Variants in MS4A6A observed in about 807,000 individuals in gnomAD.
MS4A6A encodes membrane-spanning 4-domains subfamily A member 6A.
Under a neutral mutation model 20.6 loss-of-function variants are expected in MS4A6A, and 19 were observed. The observed-to-expected ratio is 0.92, with a 90% CI of 0.64 to 1.36. The LOEUF is 1.36. Ranked by LOEUF, MS4A6A falls within the 40% of genes most tolerant of loss-of-function variation. The probability of loss-of-function intolerance (pLI) is 0.00; values close to 1 mark genes in which losing one functional copy is unlikely to be tolerated. For missense variants in MS4A6A, 272 were observed against 261.1 expected, an observed-to-expected ratio of 1.04 and a Z score of -0.29; for synonymous variants, 108 against 105.0, an observed-to-expected ratio of 1.03 and a Z score of -0.17.
chr11:60,181,714 G>T lies in MS4A6A; in HGVS notation c.14C>A (p.Pro5His). The T allele has an allele frequency of 6.2e-7, 1 of 1,614,108 alleles. No homozygotes were observed. The highest frequency in any genetic ancestry group is 1.1e-5 in the South Asian group (1 of 91,084). ...CACTATGATGGTCTCATTGGGAACAGGTTGTGATGTCATGATGGTGTTGCC... is the reference window on the plus strand; with the variant it reads ...CACTATGATGGTCTCATTGGGAACATGTTGTGATGTCATGATGGTGTTGCC... Reference protein sequence around the residue: MTSQPVPNETIIVLP... With the variant: MTSQHVPNETIIVLP... The change falls in exon 2 of 6, where the codon CCT becomes CAT. Residue 5 changes from proline to histidine, a missense_variant. Coordinates refer to ENST00000528851, the MANE Select transcript of MS4A6A (RefSeq NM_022349.4).
rs1325108421 is a variant in MS4A6A, at chr11:60,175,391, A to T, written c.549+11T>A. The T allele has an allele frequency of 1.2e-6, 2 of 1,604,046 alleles. No individual in the cohort carries two copies. The highest frequency in any genetic ancestry group is 4.5e-5 in the East Asian group (2 of 44,818). ...TCATAAGATTAGAACATCCCATCTA[A>T]AAATACTTACAGCCAGACTGGCTTT... On this transcript the variant is annotated intron_variant, in intron 5 of 5. Coordinates refer to ENST00000528851, the MANE Select transcript of MS4A6A (RefSeq NM_022349.4).
At position 60,179,972 on chromosome 11, in the gene MS4A6A, G is replaced by A. The variant is rs766097790; in HGVS notation, c.148-7C>T. 3.7e-6 allele frequency: 6 copies of A among 1,611,246 alleles called. No homozygotes were observed. Among genetic ancestry groups the A allele is most frequent in the Non-Finnish European group, 5.1e-6 (6 of 1,178,576 alleles). On this transcript the variant is annotated splice_polypyrimidine_tract_variant and splice_region_variant and intron_variant, in intron 2 of 5. Transcript: ENST00000528851. ...CACACAAGATCTGGATAGTCTGTGG[G>A]AAGAGAAAGTGAGATTGAGGATGAA...
At chr11:60,176,842 T>C (rs115129278) in intron 4 of MS4A6A, among the ~76,000 whole-genome samples, 2 of 152,060 alleles carry the variant, frequency 1.3e-5, no homozygotes, top group Non-Finnish European at 2.9e-5. Context: ...ATGTCTCTGG[T>C]AAGTCTGAGC....
downstream of MS4A6A, chr11:60,172,285 A>T (rs1856617733): frequency 6.2e-7 from 1 of 1,605,734 alleles, no homozygotes; most frequent in Non-Finnish European, 8.5e-7. Context: ...AGGTCTTCAG[A>T]CTTCAATCAG....
chr11:60,177,935 G>A (rs760123298), intron 4 of MS4A6A: 18 of 303,448 alleles, frequency 5.9e-5, no homozygotes, highest in Non-Finnish European at 9.2e-5. Context: ...CAGCTTCCTT[G>A]CCACTGAAAA....
rs773566640 is a variant in MS4A6A, at chr11:60,178,084, G to T, written c.339+176C>A. ...TTTGATGTAGGGTACAATAATTGGA[G>T]AAATGTTCTCTGAACAAGGATACAG... On this transcript the variant is annotated intron_variant, in intron 4 of 5. Coordinates refer to ENST00000528851, the MANE Select transcript of MS4A6A (RefSeq NM_022349.4). 3.1e-4 allele frequency: 195 copies of T among 621,996 alleles called. 1 individual carries two copies. The highest frequency in any genetic ancestry group is 3.4e-4 in the Non-Finnish European group (121 of 352,018). The allele number at this position is 621,996 out of a possible 1,614,324, so 38.5% of individuals were successfully genotyped here.
intron 1 of MS4A6A, chr11:60,182,320 A>G (rs1857174283): frequency 6.5e-6 from 1 of 153,012 alleles, no homozygotes; most frequent in Non-Finnish European, 1.5e-5. Flanking sequence ...TAATATACCT[A>G]TTGCATATAT....
At chr11:60,172,296 G>T (rs370551786), downstream of MS4A6A, 519 of 1,605,894 alleles carry the variant, frequency 3.2e-4, 11 homozygotes, top group Admixed American at 7.6e-3. Context: ...CTTCAATCAG[G>T]TTCAAGATAG....
intron 2 of MS4A6A, chr11:60,180,255 G>C (rs1857063201): frequency 2.4e-6 from 1 of 417,930 alleles, no homozygotes; most frequent in East Asian, 4.2e-5. Context: ...CTCACAGCAA[G>C]TGCTGAGATT....
intron 1 of MS4A6A, among the ~76,000 whole-genome samples, 176 bp from the exon 2 acceptor site, chr11:60,181,917 C>G (rs138408120): frequency 0.011 from 1,702 of 152,236 alleles, 12 homozygotes; most frequent in Non-Finnish European, 0.019. Context: ...GAGGATTTTT[C>G]CATAATGTTT....
chr11:60,180,821 A>G (rs775094451), intron 2 of MS4A6A: 1 of 322,696 alleles, frequency 3.1e-6, no homozygotes, highest in Non-Finnish European at 6.1e-6. Context: ...CCTTCCTGAC[A>G]TCCACCTCAG....
chr11:60,180,559 A>G (rs528062459), intron 2 of MS4A6A: 1 of 157,390 alleles, frequency 6.4e-6, no homozygotes, highest in South Asian at 1.9e-4. Context: ...AACTTGTGTC[A>G]TGGGGGTTTG....
rs1364454192 is a variant in MS4A6A at position 60,175,581 on chromosome 11, T to C, written c.370A>G (p.Ser124Gly). ...AAACCCACCAGGGCAGACAGAGCAC[T>C]CAGAATGCTTCCAACCAGGCTGCTA... Reference protein sequence around the residue: ...VHSSLVGSILSALSALVGFII... With the variant: ...VHSSLVGSILGALSALVGFII... Residue 124 changes from serine (S) to glycine (G), a missense_variant, in exon 5 of 6, where the codon AGT becomes GGT. By Grantham distance (56) the Ser-to-Gly change is moderately conservative. Transcript: ENST00000528851. 3.1e-6 allele frequency: 5 copies of C among 1,613,636 alleles called. No homozygotes were observed. In the African/African-American group the frequency reaches 6.7e-5, roughly 22 times the overall value.
intron 1 of MS4A6A, 68 bp from the exon 2 acceptor site, chr11:60,181,809 G>C: frequency 3.3e-6 from 5 of 1,492,806 alleles, no homozygotes; most frequent in Non-Finnish European, 2.8e-6. Context: ...TCCAAAAACA[G>C]TAACTCAGTC....
intron 5 of MS4A6A, among the ~76,000 whole-genome samples, chr11:60,174,426 A>G (rs762199659): frequency 1.3e-5 from 2 of 151,190 alleles, no homozygotes; most frequent in Non-Finnish European, 2.9e-5. Context: ...TCCCAGGCTC[A>G]GGTAATTCTC....
In MS4A6A at chr11:60,175,443, G is replaced by A. The variant is rs1168091734; in HGVS notation, c.508C>T (p.Leu170Phe). The A allele has an allele frequency of 1.2e-6, 2 of 1,614,014 alleles. No individual in the cohort carries two copies. The highest frequency in any genetic ancestry group is 2.2e-5 in the East Asian group (1 of 44,890). The change falls in exon 5 of 6, where the codon CTT (leucine) becomes TTT (phenylalanine). Residue 170 changes from leucine to phenylalanine, a missense_variant. Leu to Phe is a conservative substitution (Grantham distance 22). Coordinates refer to ENST00000528851, the MANE Select transcript of MS4A6A (RefSeq NM_022349.4). ...SYVSYFYHDS[L>F]YTTDCYTAKA... ...GCTGTATAGCAGTCCGTGGTATAAAGTGAATCATGATAAAAGTAAGAAACA... is the reference window on the plus strand; with the variant it reads ...GCTGTATAGCAGTCCGTGGTATAAAATGAATCATGATAAAAGTAAGAAACA...
rs530956102 is a variant in MS4A6A at position 60,174,811 on chromosome 11, T to C, written c.549+591A>G. On this transcript the variant is annotated intron_variant, in intron 5 of 5. Coordinates refer to ENST00000528851, the MANE Select transcript of MS4A6A (RefSeq NM_022349.4). ...TCTCCATCTCCCTATATTTCTTATC[T>C]CCTGATTTAATATATCACACTTCTT... Among the ~76,000 whole-genome samples the C allele has an allele frequency of 5.3e-4, 80 of 152,328 alleles. 1 individual carries two copies. The South Asian group carries it at 0.014, about 27-fold the overall frequency.
chr11:60,179,858 A>G lies in MS4A6A; in HGVS notation c.255T>C (p.Ser85=). 1 of 1,614,164 alleles carries G rather than the reference A, an allele frequency of 6.2e-7. No homozygotes were observed. The highest frequency in any genetic ancestry group is 8.5e-7 in the Non-Finnish European group (1 of 1,180,020). Residue 85 remains serine (S), a synonymous_variant, in exon 3 of 6, where the codon TCT becomes TCC. Coordinates refer to ENST00000528851, the MANE Select transcript of MS4A6A (RefSeq NM_022349.4). The part of the protein sequence containing the change: ...FTQVTSTLLN[S]AYPFIGPFFF... ...AAAAGGGTCCTATGAATGGGTAAGC[A>G]GAGTTCAACAGTGTAGAAGTCACTT...
At chr11:60,179,689 A>T in intron 3 of MS4A6A, 142 bp downstream of exon 3, 1 of 909,948 alleles carries the variant, frequency 1.1e-6, no homozygotes, top group Non-Finnish European at 1.8e-6. Context: ...CTGTCATCCT[A>T]CCCGACAGGA....
Sources: gnomAD v4.1 joint callset for allele counts (sites outside exome capture counted in the v4.1 genomes callset) on GRCh38, gnomAD v4.1.1 for gene constraint, MANE v1.5 for transcripts, NCBI Gene and HGNC (gene_info 2026-07-23, HGNC 2026-07-21) for gene names.